The following ZDHHC15 variants were observed in gnomAD, a reference collection of about 807,000 sequenced individuals.
The protein encoded by ZDHHC15 is zDHHC palmitoyltransferase 15.
A neutral mutation model predicts 31.7 loss-of-function variants in ZDHHC15; 19 were observed. That is an observed-to-expected ratio of 0.60 (90% confidence interval 0.42 to 0.88). The LOEUF is 0.88. Ranked by LOEUF, ZDHHC15 falls within the 40% of genes least tolerant of loss-of-function variation. The pLI is 0.00. For synonymous variants in ZDHHC15, 103 were observed against 90.0 expected (o/e 1.14, Z -0.82); for missense variants, 209 against 251.2 (o/e 0.83, Z 1.14).
rs1194252606 is a variant in ZDHHC15, at chrX:75,369,529, C to A, written c.*3449G>T. ...AGGATTGTGCTTAAATCTCCATTAA[C>A]CTCAATGTCTATACTTTGTGCAATT... is the stretch of plus-strand genomic sequence containing the variant. On this transcript the variant is annotated 3_prime_UTR_variant, in exon 12 of 12. Transcript: ENST00000373367. 1 of 111,729 alleles carries A rather than the reference C, an allele frequency of 9.0e-6. No homozygotes were observed. Among genetic ancestry groups the A allele is most frequent in the Non-Finnish European group, 1.9e-5 (1 of 53,180 alleles). The allele number at this position is 111,729 out of a possible 1,213,427, so 9.2% of individuals were successfully genotyped here.
chrX:75,472,242 G>T (rs1333422074), intron 3 of ZDHHC15, among the ~76,000 whole-genome samples: 3 of 111,553 alleles, frequency 2.7e-5, no homozygotes, highest in African/African-American at 6.5e-5. Context: ...CAGAGGAAGA[G>T]ATTACTAGGG....
chrX:75,508,791 A>C (rs1464704547), intron 1 of ZDHHC15, among the ~76,000 whole-genome samples: 1 of 110,765 alleles, frequency 9.0e-6, no homozygotes, highest in Admixed American at 9.7e-5. Flanking sequence ...CTATTTCTCC[A>C]CATCCTCTCC....
At chrX:75,420,376 C>A (rs1306876421) in intron 9 of ZDHHC15, among the ~76,000 whole-genome samples, 1 of 111,369 alleles carries the variant, frequency 9.0e-6, no homozygotes, top group Non-Finnish European at 1.9e-5. Context: ...ATTAGTTCAA[C>A]CACTGTGGAA....
intron 10 of ZDHHC15, among the ~76,000 whole-genome samples, chrX:75,408,231 A>C (rs760079102): frequency 9.0e-6 from 1 of 110,999 alleles, no homozygotes; most frequent in Non-Finnish European, 1.9e-5. Context: ...AATAAAAAAT[A>C]AATAAATAAA....
At chrX:75,495,952 C>G (rs1202887028) in intron 2 of ZDHHC15, among the ~76,000 whole-genome samples, 1 of 103,195 alleles carries the variant, frequency 9.7e-6, no homozygotes, top group African/African-American at 3.5e-5. Flanking sequence ...AAAAGAAAAA[C>G]AAGGTATTCA....
chrX:75,519,277 G>A (rs1744824525), intron 1 of ZDHHC15, among the ~76,000 whole-genome samples: 1 of 111,594 alleles, frequency 9.0e-6, no homozygotes, highest in African/African-American at 3.3e-5. Flanking sequence ...ATTTTCCTGG[G>A]TCAGGAAGAA....
chrX:75,517,373 G>T (rs1000261414), intron 1 of ZDHHC15, among the ~76,000 whole-genome samples: 2 of 110,491 alleles, frequency 1.8e-5, no homozygotes, highest in African/African-American at 3.3e-5. Flanking sequence ...TTAAGAAAAT[G>T]TGGCACATAT....
chrX:75,386,151 A>C lies in ZDHHC15; in HGVS notation c.968-6953T>G, dbSNP rs181826645. On this transcript the variant is annotated intron_variant, in intron 10 of 11. Coordinates refer to ENST00000373367, the MANE Select transcript of ZDHHC15 (RefSeq NM_144969.3). ...AGTATTAATGGGTGTCATATAAAGA[A>C]AGTTTTATCCAAATAACAAAAGAGG... is the stretch of plus-strand genomic sequence containing the variant. Among the ~76,000 whole-genome samples the C allele has an allele frequency of 8.0e-3, 897 of 111,924 alleles. 11 individuals are homozygous for C. Among genetic ancestry groups the C allele is most frequent in the African/African-American group, 0.027 (829 of 30,818 alleles).
At chrX:75,407,483 C>T (rs766607930) in intron 10 of ZDHHC15, among the ~76,000 whole-genome samples, 45 of 107,304 alleles carry the variant, frequency 4.2e-4, no homozygotes, top group South Asian at 3.7e-3. Flanking sequence ...CCTGGCCAGC[C>T]GCCCCGTCCG....
chrX:75,425,494 G>A (rs1490290324), intron 7 of ZDHHC15, among the ~76,000 whole-genome samples: 2 of 111,785 alleles, frequency 1.8e-5, no homozygotes, highest in Non-Finnish European at 3.8e-5. Flanking sequence ...CTTTTTTTCC[G>A]ACATGCAGCC....
intron 2 of ZDHHC15, among the ~76,000 whole-genome samples, chrX:75,496,550 T>C (rs73494477): frequency 0.018 from 2,034 of 111,748 alleles, 55 homozygotes; most frequent in African/African-American, 0.063. Flanking sequence ...TACTGCAGAA[T>C]ATACATTCTT....
intron 1 of ZDHHC15, among the ~76,000 whole-genome samples, chrX:75,518,247 A>G (rs892793022): frequency 8.9e-6 from 1 of 112,014 alleles, no homozygotes. Context: ...TATTCAGAAC[A>G]TGCAAAAAAT....
chrX:75,492,788 A>C (rs1602725697), intron 2 of ZDHHC15, among the ~76,000 whole-genome samples: 1 of 112,048 alleles, frequency 8.9e-6, no homozygotes, highest in Non-Finnish European at 1.9e-5. Flanking sequence ...AGCAGTGTGT[A>C]GAGGGAAATT....
intron 10 of ZDHHC15, 87 bp downstream of exon 10, chrX:75,417,000 G>A: frequency 1.3e-6 from 1 of 750,246 alleles, no homozygotes; most frequent in Non-Finnish European, 2.0e-6. Flanking sequence ...AGGTTGACAT[G>A]CTTATAAAAT....
At chrX:75,517,673 C>G (rs2085379934) in intron 1 of ZDHHC15, among the ~76,000 whole-genome samples, 1 of 108,146 alleles carries the variant, frequency 9.2e-6, no homozygotes, top group African/African-American at 3.4e-5. Context: ...ACCAACATGG[C>G]ACATGTATAC....
At chrX:75,396,153 C>T (rs751078375) in intron 10 of ZDHHC15, among the ~76,000 whole-genome samples, 7 of 111,782 alleles carry the variant, frequency 6.3e-5, no homozygotes, top group Admixed American at 2.8e-4. Context: ...AATGGGATCA[C>T]ATCAAGTTAA....
rs532274524 is a variant in ZDHHC15 at position 75,437,211 on chromosome X, T to C, written c.380-5691A>G. 1.3e-4 allele frequency among the ~76,000 whole-genome samples: 14 copies of C among 111,424 alleles called. No homozygotes were observed. The South Asian group carries it at 4.6e-3, about 36-fold the overall frequency. ...AAATATCTGTTAAGTCTATTTGTTC[T>C]AGTGTGTAGTTTAAGTCTACTGTTT... On this transcript the variant is annotated intron_variant, in intron 4 of 11. Coordinates refer to ENST00000373367, the MANE Select transcript of ZDHHC15 (RefSeq NM_144969.3).
chrX:75,469,141 C>T (rs1257359733), intron 3 of ZDHHC15, among the ~76,000 whole-genome samples: 1 of 111,264 alleles, frequency 9.0e-6, no homozygotes, highest in Admixed American at 9.6e-5. Context: ...AATTCATTGC[C>T]AAATCCAAGA....
intron 3 of ZDHHC15, among the ~76,000 whole-genome samples, chrX:75,475,443 A>G (rs2084588964): frequency 8.9e-6 from 1 of 112,168 alleles, no homozygotes; most frequent in African/African-American, 3.2e-5. Flanking sequence ...GGATATGGAC[A>G]TCCAGTTATC....
Sources: allele counts gnomAD v4.1 joint callset (sites outside exome capture counted in the v4.1 genomes callset), GRCh38; gene constraint gnomAD v4.1.1; transcripts MANE v1.5; gene names NCBI Gene and HGNC (gene_info 2026-07-23, HGNC 2026-07-21).